CNOT1: variants seen among roughly 807,000 people sequenced by gnomAD.
CNOT1 encodes CCR4-associated factor 1.
In CNOT1, 15 loss-of-function variants were observed where a neutral mutation model predicts 273.8. The observed-to-expected ratio is 0.05, with a 90% CI of 0.04 to 0.08. The LOEUF is 0.08. Among genes scored for constraint, CNOT1 ranks in the 10% least tolerant of loss-of-function variants. The pLI is 1.00. For synonymous variants in CNOT1, 1,022 were observed against 1,005.5 expected (o/e 1.02, Z -0.31); for missense variants, 1,644 against 2,912.2 (o/e 0.56, Z 10.02).
intron 2 of CNOT1, among the ~76,000 whole-genome samples, chr16:58,590,299 T>C (rs1469418237): frequency 6.6e-6 from 1 of 152,136 alleles, no homozygotes; most frequent in East Asian, 1.9e-4. Flanking sequence ...AGAATCTGGA[T>C]TTATAGTCCA....
chr16:58,581,398 C>G lies in CNOT1; in HGVS notation c.1162G>C (p.Glu388Gln). Reference sequence around the variant, plus strand: ...TATATGAGGTCTACTGGGAACACTTCCATACCCAAACCCCTCTGAATGCCA... The same window carrying G: ...TATATGAGGTCTACTGGGAACACTTGCATACCCAAACCCCTCTGAATGCCA... ...VYGIQRGLGMEVFPVDLIYRP... is the reference protein window; with the variant it reads ...VYGIQRGLGMQVFPVDLIYRP... Residue 388 changes from glutamate (E) to glutamine (Q), a missense_variant, in exon 11 of 49, where the codon GAA becomes CAA. Physicochemically the swap from Glu to Gln is conservative, Grantham distance 29. This residue lies in a region of CNOT1 where 706 missense variants were observed against 1,021.2 expected (regional missense o/e 0.69). Coordinates refer to ENST00000317147, the MANE Select transcript of CNOT1 (RefSeq NM_016284.5). 6.2e-7 allele frequency: 1 copy of G among 1,614,084 alleles called. No homozygotes were observed. The highest frequency in any genetic ancestry group is 8.5e-7 in the Non-Finnish European group (1 of 1,179,996).
At chr16:58,543,121 A>G (rs1567395680) in intron 31 of CNOT1, 3 of 1,307,014 alleles carry the variant, frequency 2.3e-6, no homozygotes, top group Admixed American at 6.4e-5. Context: ...GGCAAAAAAC[A>G]ACCAAAAAAA....
rs768098207 is a variant in CNOT1, at chr16:58,530,321, C to T, written c.6204G>A (p.Leu2068=). The change falls in exon 43 of 49, where the codon CTG becomes CTA. Residue 2068 remains leucine (L), a synonymous_variant. Transcript: ENST00000317147. ...QKGWPMYAQL[L]IDLFKYLAPF... ...GCGCTAAATATTTGAATAAATCAAT[C>T]AGTAGCTGTGCATACATAGGCCACC... 2 of 1,612,448 alleles carry T rather than the reference C, an allele frequency of 1.2e-6. No individual in the cohort carries two copies. The highest frequency in any genetic ancestry group is 1.7e-6 in the Non-Finnish European group (2 of 1,178,948).
rs57122392 is a variant in CNOT1, at chr16:58,595,420, C to CA, written c.102+3815dup. Among the ~76,000 whole-genome samples, 597 of 102,824 alleles carry CA rather than the reference C, an allele frequency of 5.8e-3. 11 individuals carry two copies. The highest frequency in any genetic ancestry group is 0.037 in the Admixed American group (360 of 9,726). The allele number at this position is 102,824 out of a possible 152,430, so 67.5% of individuals were successfully genotyped here. ...TATGATCAAAACTATTTTTCCATCTCAAAAAAAAAAAAAAAAAAAAACTCC... is the reference window on the plus strand; with the variant it reads ...TATGATCAAAACTATTTTTCCATCTCAAAAAAAAAAAAAAAAAAAAAACTCC... On this transcript the variant is annotated intron_variant, in intron 2 of 48. Coordinates refer to ENST00000317147, the MANE Select transcript of CNOT1 (RefSeq NM_016284.5).
At chr16:58,594,802 TAA>T (rs879789353) in intron 2 of CNOT1, among the ~76,000 whole-genome samples, 2 of 124,884 alleles carry the variant, frequency 1.6e-5, no homozygotes, top group African/African-American at 3.0e-5. Flanking sequence ...ACTGTCTCAT[TAA>T]AAAAAAAAAA....
intron 24 of CNOT1, among the ~76,000 whole-genome samples, chr16:58,550,569 T>A (rs2040415995): frequency 6.6e-6 from 1 of 152,214 alleles, no homozygotes; most frequent in South Asian, 2.1e-4. Context: ...GAATACAGTA[T>A]TATATGCATA....
chr16:58,560,434 T>C, intron 16 of CNOT1, 72 bp from the exon 17 acceptor site: 1 of 1,448,656 alleles, frequency 6.9e-7, no homozygotes, highest in South Asian at 1.3e-5. Context: ...CCAACCGATC[T>C]GATTTTTTTT....
At chr16:58,598,409 A>G (rs1158401895) in intron 2 of CNOT1, among the ~76,000 whole-genome samples, 1 of 151,208 alleles carries the variant, frequency 6.6e-6, no homozygotes, top group Non-Finnish European at 1.5e-5. Flanking sequence ...AAAAAAAAAA[A>G]AAAAAAAAAA....
rs1289486867 is a variant in CNOT1 at position 58,519,975 on chromosome 16, G to A, written c.*983C>T. 1 of 152,194 alleles carries A rather than the reference G, an allele frequency of 6.6e-6. No individual in the cohort carries two copies. The highest frequency in any genetic ancestry group is 1.5e-5 in the Non-Finnish European group (1 of 68,044). 9.4% of individuals were successfully genotyped at this position (152,194 alleles called of 1,614,324 possible). ...GTGTGTGTCATGACTTTAATGGTTAGCTACAGTATGCATACACATACAAGA... is the reference window on the plus strand; with the variant it reads ...GTGTGTGTCATGACTTTAATGGTTAACTACAGTATGCATACACATACAAGA... On this transcript the variant is annotated 3_prime_UTR_variant, in exon 49 of 49. Coordinates refer to ENST00000317147, the MANE Select transcript of CNOT1 (RefSeq NM_016284.5).
chr16:58,554,287 A>G (rs34129245), intron 21 of CNOT1, among the ~76,000 whole-genome samples: 7,693 of 152,266 alleles, frequency 0.051, 266 homozygotes, highest in Middle Eastern at 0.088. Context: ...TGTAAATGGC[A>G]TTCTAGAAAA....
intron 16 of CNOT1, among the ~76,000 whole-genome samples, chr16:58,570,411 G>T (rs2041227050): frequency 1.3e-5 from 2 of 152,196 alleles, no homozygotes; most frequent in South Asian, 4.1e-4. Flanking sequence ...GCTAAAACGG[G>T]AGATCAGTTT....
chr16:58,557,559 G>A (rs1458788050), intron 18 of CNOT1, among the ~76,000 whole-genome samples: 1 of 152,138 alleles, frequency 6.6e-6, no homozygotes, highest in African/African-American at 2.4e-5. Context: ...AGGTTTTAGT[G>A]CCCAAACTTA....
Position 58,520,250 on chromosome 16 carries a change from A to AGGAGGAGAGGATTGTGGGGGTGAGGGTAG in CNOT1, c.*707_*708insCTACCCTCACCCCCACAATCCTCTCCTCC, listed in dbSNP as rs1555492282. On this transcript the variant is annotated 3_prime_UTR_variant, in exon 49 of 49. Coordinates refer to ENST00000317147, the MANE Select transcript of CNOT1 (RefSeq NM_016284.5). Reference sequence around the variant, plus strand: ...AGGAGAGGATTGGGGGGGTGAGGGTAGGGGTGGGCTTTAGGCCTGGTCTGG... The same window carrying AGGAGGAGAGGATTGTGGGGGTGAGGGTAG: ...AGGAGAGGATTGGGGGGGTGAGGGTAGGAGGAGAGGATTGTGGGGGTGAGGGTAGGGGGTGGGCTTTAGGCCTGGTCTGG... 2.6e-5 allele frequency: 4 copies of AGGAGGAGAGGATTGTGGGGGTGAGGGTAG among 151,050 alleles called. No homozygotes were observed. The highest frequency in any genetic ancestry group is 9.7e-5 in the African/African-American group (4 of 41,080). 9.4% of individuals were successfully genotyped at this position (151,050 alleles called of 1,614,324 possible).
At chr16:58,607,735 A>G (rs1347347041) in intron 1 of CNOT1, among the ~76,000 whole-genome samples, 6 of 115,454 alleles carry the variant, frequency 5.2e-5, no homozygotes, top group East Asian at 3.1e-4. Flanking sequence ...AAAAAAAAAA[A>G]AAAGAAAGAA....
intron 16 of CNOT1, among the ~76,000 whole-genome samples, chr16:58,566,839 G>C (rs57365684): frequency 0.27 from 41,767 of 151,972 alleles, 6,241 homozygotes; most frequent in East Asian, 0.57. Flanking sequence ...TCTCCATGTT[G>C]ATCAGGCTGG....
chr16:58,523,342 G>A (rs752796604), intron 47 of CNOT1, 28 bp downstream of exon 47: 1 of 1,555,746 alleles, frequency 6.4e-7, no homozygotes, highest in South Asian at 1.2e-5. Flanking sequence ...TCCTTTTGAA[G>A]CATTTAAAAA....
At chr16:58,543,497 T>C in intron 31 of CNOT1, 110 bp downstream of exon 31, 1 of 1,547,084 alleles carries the variant, frequency 6.5e-7, no homozygotes. Context: ...AATATGGTGA[T>C]TATTAAGAAT....
intron 25 of CNOT1, among the ~76,000 whole-genome samples, chr16:58,549,117 C>T (rs910369463): frequency 2.0e-5 from 3 of 151,930 alleles, no homozygotes; most frequent in African/African-American, 7.3e-5. Flanking sequence ...GATTAAACCC[C>T]GTCTCTACTA....
intron 21 of CNOT1, 94 bp downstream of exon 21, chr16:58,555,157 G>T: frequency 6.6e-7 from 1 of 1,522,262 alleles, no homozygotes; most frequent in South Asian, 1.3e-5. Flanking sequence ...GCAGTGAGCC[G>T]AGATTGCGCC....
Sources: allele counts gnomAD v4.1 joint callset (sites outside exome capture counted in the v4.1 genomes callset), GRCh38; gene constraint gnomAD v4.1.1; regional missense constraint gnomAD v4.1.1; transcripts MANE v1.5; gene names NCBI Gene and HGNC (gene_info 2026-07-23, HGNC 2026-07-21).